The following METTL18 variants were observed in gnomAD, a reference collection of about 807,000 sequenced individuals.
METTL18 encodes the protein histidine protein methyltransferase 1 homolog.
METTL18 carries 15 observed loss-of-function variants against 19.6 expected under a neutral mutation model. The ratio of observed to expected loss-of-function variants is 0.77; its 90% CI spans 0.51 to 1.18. The LOEUF (loss-of-function observed/expected upper bound fraction) is 1.18, where lower values mean the gene tolerates loss of function less well. Ranked by LOEUF, METTL18 falls within the 50% of genes most tolerant of loss-of-function variation. The pLI is 0.00. For synonymous variants in METTL18, 131 were observed against 145.2 expected (o/e 0.90, Z 0.70); for missense variants, 392 against 418.8 (o/e 0.94, Z 0.56).
At position 169,793,662 on chromosome 1, in the gene METTL18, G is replaced by A. The variant is rs765912527; in HGVS notation, c.34C>T (p.His12Tyr). 7 of 1,607,844 alleles carry A rather than the reference G, an allele frequency of 4.4e-6. No individual in the cohort carries two copies. The East Asian group carries it at 1.3e-4, about 31-fold the overall frequency. ...ATGGGTGTTAATTCATTTTCCAGATGGTCTTCTATAGTGAAATTAAACTGA... is the reference window on the plus strand; with the variant it reads ...ATGGGTGTTAATTCATTTTCCAGATAGTCTTCTATAGTGAAATTAAACTGA... The part of the protein sequence containing the change: ...TFQFNFTIED[H>Y]LENELTPIRD... The change falls in exon 2 of 2, where the codon CAT becomes TAT. Residue 12 changes from histidine (H) to tyrosine (Y), a missense_variant. His to Tyr is a moderately conservative substitution (Grantham distance 83). Transcript: ENST00000310392.
Position 169,793,060 on chromosome 1 carries a change from T to C in METTL18, c.636A>G (p.Glu212=), listed in dbSNP as rs764066527. The change falls in exon 2 of 2, where the codon GAA becomes GAG. Residue 212 remains glutamate, a synonymous_variant. Coordinates refer to ENST00000310392, the MANE Select transcript of METTL18 (RefSeq NM_033418.4). ...TACTGTTATAATCTTGAAAGTGAAT[T>C]TCTTTGGACCCTCCCTTGAATGCAG... The part of the protein sequence containing the change: ...GITAFKGGSK[E]IHFQDYNSMV... 6.2e-7 allele frequency: 1 copy of C among 1,614,168 alleles called. No homozygotes were observed. The highest frequency in any genetic ancestry group is 8.5e-7 in the Non-Finnish European group (1 of 1,180,022).
Position 169,793,574 on chromosome 1 carries a change from C to A in METTL18, c.122G>T (p.Gly41Val). 1 of 1,614,182 alleles carries A rather than the reference C, an allele frequency of 6.2e-7. No individual in the cohort carries two copies. The highest frequency in any genetic ancestry group is 8.5e-7 in the Non-Finnish European group (1 of 1,180,034). ...KELSVSESQKGEERDRKCSAE... is the reference protein window; with the variant it reads ...KELSVSESQKVEERDRKCSAE... ...AGAACATTTTCTGTCCCTCTCTTCT[C>A]CTTTTTGACTTTCTGAGACTGACAG... Residue 41 changes from glycine (G) to valine (V), a missense_variant, in exon 2 of 2, where the codon GGA becomes GTA. Physicochemically the swap from Gly to Val is moderately radical, Grantham distance 109. Coordinates refer to ENST00000310392, the MANE Select transcript of METTL18 (RefSeq NM_033418.4).
Position 169,792,974 on chromosome 1 carries a change from T to A in METTL18, c.722A>T (p.Glu241Val), listed in dbSNP as rs1409332982. The A allele has an allele frequency of 1.2e-6, 2 of 1,614,068 alleles. No individual in the cohort carries two copies. Among genetic ancestry groups the A allele is most frequent in the South Asian group, 2.2e-5 (2 of 91,062 alleles). The part of the protein sequence containing the change: ...VVANSTLEDE[E>V]NDVNEPDVKR... ...CACATCTGGCTCATTTACATCATTTTCTTCATCTTCCAAAGTGGAGTTAGC... is the reference window on the plus strand; with the variant it reads ...CACATCTGGCTCATTTACATCATTTACTTCATCTTCCAAAGTGGAGTTAGC... The change falls in exon 2 of 2, where the codon GAA becomes GTA. Residue 241 changes from glutamate to valine, a missense_variant. By Grantham distance (121) the Glu-to-Val change is moderately radical (BLOSUM62 -2). Transcript: ENST00000310392.
rs1440707599 is a variant in METTL18, at chr1:169,793,352, T to C, written c.344A>G (p.Asn115Ser). 1.2e-6 allele frequency: 2 copies of C among 1,614,096 alleles called. No individual in the cohort carries two copies. The highest frequency in any genetic ancestry group is 2.7e-5 in the African/African-American group (2 of 74,934). ...MPKDLKKMLENKVIETLPGFQ... is the reference protein window; with the variant it reads ...MPKDLKKMLESKVIETLPGFQ... ...ACCTGGTAATGTTTCTATGACTTTA[T>C]TTTCTAACATCTTCTTTAAATCTTT... The change falls in exon 2 of 2, where the codon AAT becomes AGT. Residue 115 changes from asparagine (N) to serine (S), a missense_variant. Transcript: ENST00000310392.
At position 169,792,903 on chromosome 1, in the gene METTL18, A is replaced by C; in HGVS notation, c.793T>G (p.Phe265Val). The change falls in exon 2 of 2, where the codon TTT (phenylalanine) becomes GTT (valine). Residue 265 changes from phenylalanine (F) to valine (V), a missense_variant. Phe to Val is a conservative substitution (Grantham distance 50). Transcript: ENST00000310392. ...PKVTQLYKCR[F>V]FSGEWSEFCK... Reference sequence around the variant, plus strand: ...AACTCAGACCACTCACCAGAAAAAAATCGGCATTTATATAGTTGTGTTACT... The same window carrying C: ...AACTCAGACCACTCACCAGAAAAAACTCGGCATTTATATAGTTGTGTTACT... 1 of 1,614,162 alleles carries C rather than the reference A, an allele frequency of 6.2e-7. No individual in the cohort carries two copies. Among genetic ancestry groups the C allele is most frequent in the South Asian group, 1.1e-5 (1 of 91,082 alleles).
At chr1:169,794,620 A>G (rs1558035126) in intron 1 of METTL18, 195 bp downstream of exon 1, 2 of 164,316 alleles carry the variant, frequency 1.2e-5, no homozygotes. Context: ...TGTTCCCTTT[A>G]TACAAGATTT....
Position 169,792,721 on chromosome 1 carries a change from T to C in METTL18, c.975A>G (p.Ala325=). 6.2e-7 allele frequency: 1 copy of C among 1,613,910 alleles called. No individual in the cohort carries two copies. The highest frequency in any genetic ancestry group is 8.5e-7 in the Non-Finnish European group (1 of 1,179,960). The change falls in exon 2 of 2, where the codon GCA becomes GCG. Residue 325 remains alanine, a synonymous_variant. Coordinates refer to ENST00000310392, the MANE Select transcript of METTL18 (RefSeq NM_033418.4). ...KNGRVLLASK[A]HYFGVGGGVH... ...CACCTCCACCTACACCAAAATAATG[T>C]GCTTTGCTGGCCAAAAGTACACGTC... is the stretch of plus-strand genomic sequence containing the variant.
Position 169,793,753 on chromosome 1 carries a change from T to G in METTL18, c.-58A>C. On this transcript the variant is annotated 5_prime_UTR_variant, in exon 2 of 2. Transcript: ENST00000310392. ...AGATTCTTCAACTTCTGGATAGAAT[T>G]TGATGATACACACAAATCTGCCTCA... 6.8e-7 allele frequency: 1 copy of G among 1,469,916 alleles called. No homozygotes were observed. Among genetic ancestry groups the G allele is most frequent in the Non-Finnish European group, 9.1e-7 (1 of 1,093,460 alleles). 91.1% of individuals were successfully genotyped at this position (1,469,916 alleles called of 1,614,324 possible).
In METTL18 at chr1:169,792,926, A is replaced by C; in HGVS notation, c.770T>G (p.Val257Gly). 1.2e-6 allele frequency: 2 copies of C among 1,614,124 alleles called. No individual in the cohort carries two copies. Among genetic ancestry groups the C allele is most frequent in the Non-Finnish European group, 1.7e-6 (2 of 1,179,986 alleles). The change falls in exon 2 of 2, where the codon GTA becomes GGA. Residue 257 changes from valine (V) to glycine (G), a missense_variant. Physicochemically the swap from Val to Gly is moderately radical, Grantham distance 109. Transcript: ENST00000310392. ...PDVKRCRKPK[V>G]TQLYKCRFFS... ...AAATCGGCATTTATATAGTTGTGTT[A>C]CTTTTGGTTTCCTGCATCTTTTCAC... is the stretch of plus-strand genomic sequence containing the variant.
In METTL18 at chr1:169,793,577, T is replaced by A; in HGVS notation, c.119A>T (p.Lys40Ile). 1.2e-6 allele frequency: 2 copies of A among 1,614,212 alleles called. No individual in the cohort carries two copies. Among genetic ancestry groups the A allele is most frequent in the South Asian group, 1.1e-5 (1 of 91,086 alleles). Residue 40 changes from lysine (K) to isoleucine (I), a missense_variant, in exon 2 of 2, where the codon AAA becomes ATA. By Grantham distance (102) the Lys-to-Ile change is moderately radical. Transcript: ENST00000310392. ...SKELSVSESQ[K>I]GEERDRKCSA... ...ACATTTTCTGTCCCTCTCTTCTCCT[T>A]TTTGACTTTCTGAGACTGACAGCTC...
At position 169,793,011 on chromosome 1, in the gene METTL18, G is replaced by A; in HGVS notation, c.685C>T (p.Pro229Ser). The A allele has an allele frequency of 6.2e-7, 1 of 1,614,058 alleles. No individual in the cohort carries two copies. The highest frequency in any genetic ancestry group is 8.5e-7 in the Non-Finnish European group (1 of 1,179,992). ...AAAGTGGAGTTAGCTACTACATTAG[G>A]TAAGGTTACTTCATCAATCACCATA... Reference protein sequence around the residue: ...NSMVIDEVTLPNVVANSTLED... With the variant: ...NSMVIDEVTLSNVVANSTLED... Residue 229 changes from proline (P) to serine (S), a missense_variant, in exon 2 of 2, where the codon CCT (proline) becomes TCT (serine). Transcript: ENST00000310392.
chr1:169,793,116 G>A lies in METTL18; in HGVS notation c.580C>T (p.Leu194Phe), dbSNP rs1272907186. The A allele has an allele frequency of 6.2e-7, 1 of 1,614,142 alleles. No homozygotes were observed. The highest frequency in any genetic ancestry group is 2.2e-5 in the East Asian group (1 of 44,866). ...CCTAGTAAACCTGATCCACAACCAA[G>A]ATCCAAGACTTTTTTCCCAGCAAAT... ...VKFAGKKVLD[L>F]GCGSGLLGIT... Residue 194 changes from leucine to phenylalanine, a missense_variant, in exon 2 of 2, where the codon CTT (leucine) becomes TTT (phenylalanine). Physicochemically the swap from Leu to Phe is conservative, Grantham distance 22 (BLOSUM62 0). Coordinates refer to ENST00000310392, the MANE Select transcript of METTL18 (RefSeq NM_033418.4).
At position 169,792,581 on chromosome 1, in the gene METTL18, C is replaced by T. The variant is rs1161461574; in HGVS notation, c.1115G>A (p.Gly372Asp). The T allele has an allele frequency of 1.3e-6, 2 of 1,528,390 alleles. No individual in the cohort carries two copies. The highest frequency in any genetic ancestry group is 8.7e-7 in the Non-Finnish European group (1 of 1,142,902). The allele number at this position is 1,528,390 out of a possible 1,614,324, so 94.7% of individuals were successfully genotyped here. A position where few individuals can be genotyped will look rare whatever the true frequency, so the allele number is the denominator to read the frequency against. The change falls in exon 2 of 2, where the codon GGT becomes GAT. Residue 372 changes from glycine (G) to aspartate (D), a missense_variant. By Grantham distance (94) the Gly-to-Asp change is moderately conservative. Transcript: ENST00000310392. ...TGGATACTCAGTGAATGTTAATTAA[C>T]CAGGAAACTTAAAAGTTATTTCAAT... ...FIIEITFKFP[G>D]
chr1:169,792,769 G>A lies in METTL18; in HGVS notation c.927C>T (p.Phe309=), dbSNP rs34396097. The change falls in exon 2 of 2, where the codon TTC becomes TTT. Residue 309 remains phenylalanine (F), a synonymous_variant. Coordinates refer to ENST00000310392, the MANE Select transcript of METTL18 (RefSeq NM_033418.4). ...GTCCATTTTTACTTAACAGTCTAAG[G>A]AAAGTCTGGTGCAAATTACTATAAT... ...PDYYSNLHQT[F]LRLLSKNGRV... is the part of the protein sequence containing the mutation. 3 of 1,613,250 alleles carry A rather than the reference G, an allele frequency of 1.9e-6. No homozygotes were observed. Among genetic ancestry groups the A allele is most frequent in the Non-Finnish European group, 2.5e-6 (3 of 1,179,840 alleles).
chr1:169,792,659 A>C lies in METTL18; in HGVS notation c.1037T>G (p.Val346Gly). Residue 346 changes from valine (V) to glycine (G), a missense_variant, in exon 2 of 2, where the codon GTT (valine) becomes GGT (glycine). Val to Gly is a moderately radical substitution (Grantham distance 109). Transcript: ENST00000310392. Reference sequence around the variant, plus strand: ...TATTTTGAGTATTCTGGTCTTAAAAACATCTCTTTCTTCTACAAACTTCTG... The same window carrying C: ...TATTTTGAGTATTCTGGTCTTAAAACCATCTCTTTCTTCTACAAACTTCTG... ...LFQKFVEERD[V>G]FKTRILKIID... 1 of 1,611,506 alleles carries C rather than the reference A, an allele frequency of 6.2e-7. No homozygotes were observed. The highest frequency in any genetic ancestry group is 8.5e-7 in the Non-Finnish European group (1 of 1,179,374).
chr1:169,793,005 C>G lies in METTL18; in HGVS notation c.691G>C (p.Val231Leu), dbSNP rs1467407210. 1.2e-6 allele frequency: 2 copies of G among 1,613,958 alleles called. No individual in the cohort carries two copies. The highest frequency in any genetic ancestry group is 1.7e-5 in the Admixed American group (1 of 59,994). Reference sequence around the variant, plus strand: ...TCTTCCAAAGTGGAGTTAGCTACTACATTAGGTAAGGTTACTTCATCAATC... The same window carrying G: ...TCTTCCAAAGTGGAGTTAGCTACTAGATTAGGTAAGGTTACTTCATCAATC... ...MVIDEVTLPN[V>L]VANSTLEDEE... The change falls in exon 2 of 2, where the codon GTA becomes CTA. Residue 231 changes from valine to leucine, a missense_variant. Val to Leu is a conservative substitution (Grantham distance 32, BLOSUM62 1). Transcript: ENST00000310392.
rs779791656 is a variant in METTL18, at chr1:169,793,318, A to G, written c.378T>C (p.His126=). Residue 126 remains histidine, a synonymous_variant, in exon 2 of 2, where the codon CAT becomes CAC. Transcript: ENST00000310392. The part of the protein sequence containing the change: ...KVIETLPGFQ[H]VKLSVVKTIL... ...TGGTTTTCACTACTGATAACTTAAC[A>G]TGCTGGAAACCTGGTAATGTTTCTA... The G allele has an allele frequency of 6.2e-6, 10 of 1,614,038 alleles. No individual in the cohort carries two copies. In the African/African-American group the frequency reaches 1.2e-4, roughly 19 times the overall value.
Position 169,793,905 on chromosome 1 carries a change from GAAAAAA to G in METTL18, c.-202-14_-202-9del. The G allele has an allele frequency of 9.3e-6, 2 of 215,570 alleles. No homozygotes were observed. The highest frequency in any genetic ancestry group is 1.6e-5 in the Non-Finnish European group (2 of 122,438). The allele number at this position is 215,570 out of a possible 1,614,324, so 13.4% of individuals were successfully genotyped here. ...TCCTCTTTCCAAGCAGCTCTGGAAA[GAAAAAA>G]AAAAAAAAAAGAAAGAAAATGATGA... On this transcript the variant is annotated splice_polypyrimidine_tract_variant and intron_variant, in intron 1 of 1. Transcript: ENST00000310392.
In METTL18 at chr1:169,794,904, C is replaced by A; in HGVS notation, c.-292G>T. On this transcript the variant is annotated 5_prime_UTR_variant, in exon 1 of 2. Transcript: ENST00000310392. ...CCTCCTCCGGACCTAAATCGCGCACCAGTGAGTCGAGTCCTCCAGGGGCTA... is the reference window on the plus strand; with the variant it reads ...CCTCCTCCGGACCTAAATCGCGCACAAGTGAGTCGAGTCCTCCAGGGGCTA... The A allele has an allele frequency of 1.7e-6, 1 of 575,524 alleles. No individual in the cohort carries two copies. The highest frequency in any genetic ancestry group is 2.1e-5 in the South Asian group (1 of 46,850). 35.7% of individuals were successfully genotyped at this position (575,524 alleles called of 1,614,324 possible). A position where few individuals can be genotyped will look rare whatever the true frequency, so the allele number is the denominator to read the frequency against.
Sources: gnomAD v4.1 joint callset for allele counts on GRCh38, gnomAD v4.1.1 for gene constraint, MANE v1.5 for transcripts, NCBI Gene and HGNC (gene_info 2026-07-23, HGNC 2026-07-21) for gene names.